Variants in CFAP221 observed in about 807,000 individuals in gnomAD.
CFAP221 encodes cilia- and flagella-associated protein 221.
Under a neutral mutation model 113.1 loss-of-function variants are expected in CFAP221, and 97 were observed. That is an observed-to-expected ratio of 0.86 (90% CI 0.73 to 1.02). The LOEUF (loss-of-function observed/expected upper bound fraction) is 1.02. Among genes scored for constraint, CFAP221 ranks in the 50% least tolerant of loss-of-function variants. CFAP221 has a pLI of 0.00. For missense variants in CFAP221, 1,025 were observed against 1,013.4 expected, an observed-to-expected ratio of 1.01 and a Z score of -0.16; for synonymous variants, 331 against 354.4, an observed-to-expected ratio of 0.93 and a Z score of 0.74.
intron 6 of CFAP221, among the ~76,000 whole-genome samples, chr2:119,586,158 A>G (rs1028195930): frequency 6.6e-6 from 1 of 152,128 alleles, no homozygotes; most frequent in Non-Finnish European, 1.5e-5. Flanking sequence ...AGAGTCAAAG[A>G]TGAAGCTGGC....
intron 2 of CFAP221, 77 bp from the exon 3 acceptor site, chr2:119,549,008 T>G: frequency 1.6e-5 from 15 of 958,180 alleles, no homozygotes. Flanking sequence ...TAAAGAAAGC[T>G]ATGTTAATAA....
chr2:119,556,053 A>G (rs1680769197), intron 3 of CFAP221: 1 of 152,260 alleles, frequency 6.6e-6, no homozygotes, highest in African/African-American at 2.4e-5. Context: ...GAAAAAGCTC[A>G]TTGGCACGAT....
intron 6 of CFAP221, chr2:119,586,623 T>C (rs1361315523): frequency 2.0e-5 from 3 of 152,480 alleles, no homozygotes; most frequent in Admixed American, 2.0e-4. Context: ...CACTGTCCCG[T>C]CCAGGCTCTG....
chr2:119,596,614 AG>A (rs1684000612), intron 7 of CFAP221, among the ~76,000 whole-genome samples: 1 of 152,264 alleles, frequency 6.6e-6, no homozygotes, highest in Non-Finnish European at 1.5e-5. Flanking sequence ...AGATTCCAAA[AG>A]ACTTAATTTT....
At chr2:119,577,160 T>C (rs1329325829) in intron 6 of CFAP221, among the ~76,000 whole-genome samples, 1 of 152,184 alleles carries the variant, frequency 6.6e-6, no homozygotes, top group African/African-American at 2.4e-5. Flanking sequence ...GTGGGGGCCC[T>C]CTACCAGCTT....
intron 6 of CFAP221, among the ~76,000 whole-genome samples, chr2:119,568,709 A>G (rs971228821): frequency 3.9e-5 from 6 of 152,082 alleles, no homozygotes; most frequent in Non-Finnish European, 8.8e-5. Context: ...CATGGTGTAT[A>G]CGTACCACAT....
At chr2:119,643,758 T>A (rs1558991254) in intron 21 of CFAP221, among the ~76,000 whole-genome samples, 1 of 152,036 alleles carries the variant, frequency 6.6e-6, no homozygotes, top group Non-Finnish European at 1.5e-5. Context: ...TTGGCCAGGT[T>A]GGTCTCGAAC....
At chr2:119,580,034 G>C (rs773571840) in intron 6 of CFAP221, 4 of 152,320 alleles carry the variant, frequency 2.6e-5, no homozygotes, top group Non-Finnish European at 5.9e-5. Context: ...CTTAGGTTCT[G>C]AGGGTCAGAA....
chr2:119,577,952 G>A (rs1558928872), intron 6 of CFAP221, among the ~76,000 whole-genome samples: 1 of 152,186 alleles, frequency 6.6e-6, no homozygotes, highest in Non-Finnish European at 1.5e-5. Context: ...TGGCCTGATG[G>A]GGAGTGCTCC....
At chr2:119,651,679 A>G (rs1688138028) in intron 22 of CFAP221, among the ~76,000 whole-genome samples, 2 of 152,318 alleles carry the variant, frequency 1.3e-5, no homozygotes, top group South Asian at 2.1e-4. Flanking sequence ...GATATGGTCA[A>G]TTTTGGTAAA....
At position 119,639,879 on chromosome 2, in the gene CFAP221, A is replaced by G; in HGVS notation, c.2225+7A>G. The G allele has an allele frequency of 6.2e-7, 1 of 1,611,110 alleles. No individual in the cohort carries two copies. The highest frequency in any genetic ancestry group is 1.1e-5 in the South Asian group (1 of 90,998). Reference sequence around the variant, plus strand: ...AGATGGAGACCACAAAGAGGTAAGCACAGCTCATCTGTTTGCTCACGAGTA... The same window carrying G: ...AGATGGAGACCACAAAGAGGTAAGCGCAGCTCATCTGTTTGCTCACGAGTA... On this transcript the variant is annotated splice_region_variant and intron_variant, in intron 21 of 23. Coordinates refer to ENST00000413369, the MANE Select transcript of CFAP221 (RefSeq NM_001271049.2).
intron 11 of CFAP221, 76 bp downstream of exon 11, chr2:119,605,365 C>T: frequency 8.6e-6 from 10 of 1,162,662 alleles, no homozygotes; most frequent in Non-Finnish European, 1.3e-5. Context: ...AAATGAGAGA[C>T]AGTAAAATGT....
intron 6 of CFAP221, among the ~76,000 whole-genome samples, chr2:119,572,145 C>T (rs968992073): frequency 6.6e-6 from 1 of 152,184 alleles, no homozygotes; most frequent in Non-Finnish European, 1.5e-5. Flanking sequence ...AGATAAAATT[C>T]TATGTGGGCA....
intron 6 of CFAP221, among the ~76,000 whole-genome samples, chr2:119,582,392 T>C (rs1352375478): frequency 6.6e-6 from 1 of 152,098 alleles, no homozygotes; most frequent in East Asian, 1.9e-4. Context: ...CACACTGTAT[T>C]TGGGAGGATA....
chr2:119,587,702 C>T (rs1033220728), intron 7 of CFAP221, among the ~76,000 whole-genome samples: 31 of 152,110 alleles, frequency 2.0e-4, no homozygotes, highest in African/African-American at 7.2e-4. Context: ...CTTCCCAGTT[C>T]CTGTCTCTTG....
chr2:119,577,819 A>G (rs530947996), intron 6 of CFAP221, among the ~76,000 whole-genome samples: 4 of 152,380 alleles, frequency 2.6e-5, no homozygotes, highest in African/African-American at 9.6e-5. Context: ...TGAAGGAGAA[A>G]TGAAGCAGGA....
intron 6 of CFAP221, among the ~76,000 whole-genome samples, chr2:119,567,932 A>C (rs983990175): frequency 6.6e-6 from 1 of 151,996 alleles, no homozygotes; most frequent in Non-Finnish European, 1.5e-5. Context: ...TTCTTTTAGC[A>C]TACCAGTTAT....
intron 13 of CFAP221, among the ~76,000 whole-genome samples, chr2:119,613,563 G>A (rs899762073): frequency 1.3e-5 from 2 of 152,224 alleles, no homozygotes; most frequent in African/African-American, 4.8e-5. Flanking sequence ...TTCACCCTCT[G>A]CAGCCATGGC....
intron 7 of CFAP221, among the ~76,000 whole-genome samples, chr2:119,591,060 G>T (rs1270820619): frequency 6.6e-6 from 1 of 152,152 alleles, no homozygotes; most frequent in Non-Finnish European, 1.5e-5. Flanking sequence ...CCTTTGGCAA[G>T]GTTCACTTCC....
Sources: gnomAD v4.1 joint callset for allele counts (sites outside exome capture counted in the v4.1 genomes callset) on GRCh38, gnomAD v4.1.1 for gene constraint, MANE v1.5 for transcripts, NCBI Gene and HGNC (gene_info 2026-07-23, HGNC 2026-07-21) for gene names.